PVT1: variants seen among roughly 807,000 people sequenced by gnomAD.
PVT1 encodes Pvt1 oncogene, also known as CXCR4/PVT1 fusion.
chr8:127,967,462 G>A (rs1816715935), intron 3 of PVT1, among the ~76,000 whole-genome samples: 1 of 152,244 alleles, frequency 6.6e-6, no homozygotes, highest in Non-Finnish European at 1.5e-5. Context: ...AACGGCAGAG[G>A]CTAGCACTGG....
chr8:127,857,480 C>T (rs965926944), intron 2 of PVT1, among the ~76,000 whole-genome samples: 7 of 151,948 alleles, frequency 4.6e-5, no homozygotes, highest in Non-Finnish European at 7.4e-5. Context: ...TGAGACTAGC[C>T]TGGACAGCAT....
At chr8:127,936,242 G>A (rs1355244189) in intron 3 of PVT1, among the ~76,000 whole-genome samples, 4 of 151,786 alleles carry the variant, frequency 2.6e-5, no homozygotes, top group African/African-American at 9.7e-5. Context: ...AGGAGAGATG[G>A]GGTTTCTCCA....
intron 2 of PVT1, among the ~76,000 whole-genome samples, chr8:127,864,587 A>G (rs1273314711): frequency 2.0e-5 from 3 of 151,566 alleles, no homozygotes; most frequent in Non-Finnish European, 2.9e-5. Context: ...TTGCTCTGTC[A>G]CCCAGGCTGG....
intron 6 of PVT1, among the ~76,000 whole-genome samples, chr8:128,097,265 G>T (rs1406413811): frequency 6.6e-6 from 1 of 152,160 alleles, no homozygotes; most frequent in Admixed American, 6.5e-5. Context: ...GAAGGCTGAG[G>T]CAGGAGAATC....
At chr8:127,929,709 A>G (rs902888373) in intron 3 of PVT1, among the ~76,000 whole-genome samples, 2 of 152,052 alleles carry the variant, frequency 1.3e-5, no homozygotes, top group Non-Finnish European at 2.9e-5. Flanking sequence ...CGGAGCTTGC[A>G]GTGAGCCGAG....
intron 4 of PVT1, chr8:127,996,563 T>C (rs1019156226): frequency 6.6e-6 from 1 of 151,416 alleles, no homozygotes; most frequent in East Asian, 1.9e-4. Context: ...TTTTGCAGAG[T>C]GTGGGCACCC....
chr8:128,071,142 A>G (rs1206391234), intron 5 of PVT1, among the ~76,000 whole-genome samples: 1 of 152,164 alleles, frequency 6.6e-6, no homozygotes, highest in Admixed American at 6.5e-5. Context: ...CATGAGACCC[A>G]TTTCCACACC....
chr8:127,999,828 A>G (rs1159594198), intron 4 of PVT1, among the ~76,000 whole-genome samples: 1 of 152,216 alleles, frequency 6.6e-6, no homozygotes, highest in Non-Finnish European at 1.5e-5. Flanking sequence ...GGTAATGAAC[A>G]GAGATGTTGG....
At chr8:128,073,410 G>A (rs754964480) in intron 5 of PVT1, among the ~76,000 whole-genome samples, 6 of 151,900 alleles carry the variant, frequency 3.9e-5, no homozygotes, top group Non-Finnish European at 7.4e-5. Flanking sequence ...CAGGTCACCC[G>A]ATATAGAATC....
chr8:127,879,794 C>T (rs1166500693), intron 2 of PVT1, among the ~76,000 whole-genome samples: 3 of 152,228 alleles, frequency 2.0e-5, no homozygotes, highest in Non-Finnish European at 2.9e-5. Context: ...CTGGTCATGC[C>T]ACCTTCGACG....
intron 2 of PVT1, among the ~76,000 whole-genome samples, chr8:127,857,097 G>A (rs2129744051): frequency 6.6e-6 from 1 of 152,264 alleles, no homozygotes; most frequent in Non-Finnish European, 1.5e-5. Flanking sequence ...GTGGTGGCAG[G>A]CACCTGTAAT....
chr8:127,870,237 G>T (rs1252560120), intron 2 of PVT1, among the ~76,000 whole-genome samples: 3 of 152,220 alleles, frequency 2.0e-5, no homozygotes, highest in African/African-American at 7.2e-5. Context: ...GAGATACAGG[G>T]AGAAGGCCAT....
At chr8:128,013,737 C>T (rs1296635363) in intron 4 of PVT1, among the ~76,000 whole-genome samples, 1 of 152,212 alleles carries the variant, frequency 6.6e-6, no homozygotes, top group African/African-American at 2.4e-5. Flanking sequence ...TTCCCTTCCA[C>T]ATATAGTGTC....
intron 2 of PVT1, among the ~76,000 whole-genome samples, chr8:127,846,502 T>G (rs1815034893): frequency 6.6e-6 from 1 of 152,210 alleles, no homozygotes; most frequent in Admixed American, 6.5e-5. Context: ...AGCCTTCCTT[T>G]ACATGTGAGC....
chr8:127,947,922 A>G (rs1048577039), intron 3 of PVT1: 4 of 456,790 alleles, frequency 8.8e-6, no homozygotes, highest in African/African-American at 2.0e-5. Context: ...CATTTTACCT[A>G]TAAGGAAACT....
intron 6 of PVT1, among the ~76,000 whole-genome samples, chr8:128,100,319 C>T (rs1814488427): frequency 1.3e-5 from 2 of 152,168 alleles, no homozygotes; most frequent in African/African-American, 4.8e-5. Flanking sequence ...CAAGAGAAAC[C>T]AGGTCTCTGC....
At chr8:127,938,369 A>G (rs781230207) in intron 3 of PVT1, among the ~76,000 whole-genome samples, 4 of 152,180 alleles carry the variant, frequency 2.6e-5, no homozygotes, top group Non-Finnish European at 2.9e-5. Context: ...CCTTTTGGCC[A>G]GAGATGAGGC....
At chr8:127,936,133 C>G (rs1051155413) in intron 3 of PVT1, among the ~76,000 whole-genome samples, 1 of 150,494 alleles carries the variant, frequency 6.6e-6, no homozygotes, top group Non-Finnish European at 1.5e-5. Context: ...CTCACCACAA[C>G]CTCCGCGTCC....
chr8:127,807,768 T>C (rs1329458623), intron 2 of PVT1, among the ~76,000 whole-genome samples: 1 of 152,138 alleles, frequency 6.6e-6, no homozygotes, highest in East Asian at 1.9e-4. Flanking sequence ...AATTTTTCTT[T>C]TTTTCTTTTT....
Sources: allele counts gnomAD v4.1 joint callset (sites outside exome capture counted in the v4.1 genomes callset), GRCh38; gene constraint gnomAD v4.1.1; transcripts MANE v1.5; gene names NCBI Gene and HGNC (gene_info 2026-07-23, HGNC 2026-07-21).